Variants in CPO observed in about 807,000 individuals in gnomAD.
CPO encodes the protein metallocarboxypeptidase C.
A neutral mutation model predicts 41.2 loss-of-function variants in CPO; 43 were observed. The ratio of observed to expected loss-of-function variants is 1.04; its 90% confidence interval spans 0.82 to 1.35. The LOEUF is 1.35. Among genes scored for constraint, CPO ranks in the 40% most tolerant of loss-of-function variants. The pLI, the probability that CPO is intolerant of heterozygous loss-of-function variation, is 0.00. For missense variants in CPO, 408 were observed against 451.7 expected, an observed-to-expected ratio of 0.90 and a Z score of 0.88; for synonymous variants, 178 against 162.7, an observed-to-expected ratio of 1.09 and a Z score of -0.72.
chr2:206,949,997 A>T (rs1321580847), intron 2 of CPO, among the ~76,000 whole-genome samples: 1 of 152,208 alleles, frequency 6.6e-6, no homozygotes, highest in African/African-American at 2.4e-5. Flanking sequence ...ATGAACCAGA[A>T]TTAACTCTTA....
intron 1 of CPO, among the ~76,000 whole-genome samples, chr2:206,940,558 C>T (rs1463575757): frequency 6.6e-6 from 1 of 151,718 alleles, no homozygotes; most frequent in African/African-American, 2.4e-5. Context: ...GTCATTTGCC[C>T]ATTTTTGTGG....
intron 3 of CPO, among the ~76,000 whole-genome samples, chr2:206,956,425 C>A (rs551647140): frequency 2.5e-4 from 38 of 152,184 alleles, no homozygotes; most frequent in Admixed American, 2.2e-3. Context: ...TCAGCAGCAG[C>A]AGCAGCAGCA....
intron 1 of CPO, among the ~76,000 whole-genome samples, chr2:206,942,133 T>C (rs1693041641): frequency 2.0e-5 from 3 of 152,162 alleles, no homozygotes; most frequent in Admixed American, 6.6e-5. Flanking sequence ...ATATACTTAC[T>C]GTCAAATAGT....
Position 206,949,627 on chromosome 2 carries a change from C to G in CPO, c.79C>G (p.Gln27Glu). 6.2e-7 allele frequency: 1 copy of G among 1,612,866 alleles called. No homozygotes were observed. The highest frequency in any genetic ancestry group is 1.1e-5 in the South Asian group (1 of 91,014). The change falls in exon 2 of 9, where the codon CAA (glutamine) becomes GAA (glutamate). Residue 27 changes from glutamine (Q) to glutamate (E), a missense_variant. Coordinates refer to ENST00000272852, the MANE Select transcript of CPO (RefSeq NM_173077.3). ...GGLGYDRSLA[Q>E]HRQEIVDKSV... ...TTCTTCCCTTTGCAGATCCTTAGCC[C>G]AACACAGACAAGAGATTGTGGACAA...
chr2:206,969,279 A>C lies in CPO; in HGVS notation c.968A>C (p.Glu323Ala), dbSNP rs1693640945. 2.5e-6 allele frequency: 4 copies of C among 1,614,024 alleles called. No homozygotes were observed. The highest frequency in any genetic ancestry group is 3.4e-6 in the Non-Finnish European group (4 of 1,180,032). The change falls in exon 9 of 9, where the codon GAA becomes GCA. Residue 323 changes from glutamate to alanine, a missense_variant. Transcript: ENST00000272852. Reference protein sequence around the residue: ...DSGTYGFVLPEAQIQPTCEET... With the variant: ...DSGTYGFVLPAAQIQPTCEET... ...GGAACATATGGGTTTGTTCTGCCAG[A>C]AGCTCAGATCCAGCCCACCTGTGAG...
chr2:206,947,203 G>C (rs1693161570), intron 1 of CPO, among the ~76,000 whole-genome samples: 2 of 152,114 alleles, frequency 1.3e-5, no homozygotes, highest in African/African-American at 4.8e-5. Context: ...CAAGACAGGT[G>C]TTATTGGTAA....
chr2:206,957,300 C>T lies in CPO; in HGVS notation c.268-1001C>T, dbSNP rs538088772. ...CTGAGGCAGAAGAATTGCTTGAACC[C>T]GAGAGGTGGAGGTTGCAGTGAGCCG... On this transcript the variant is annotated intron_variant, in intron 3 of 8. Coordinates refer to ENST00000272852, the MANE Select transcript of CPO (RefSeq NM_173077.3). Among the ~76,000 whole-genome samples the T allele has an allele frequency of 8.1e-4, 123 of 151,388 alleles. No individual in the cohort carries two copies. In the Middle Eastern group the frequency reaches 0.014, roughly 17 times the overall value.
chr2:206,965,832 GA>G (rs1209929954), intron 7 of CPO, among the ~76,000 whole-genome samples: 1 of 152,032 alleles, frequency 6.6e-6, no homozygotes, highest in Non-Finnish European at 1.5e-5. Context: ...TATAAGCTGA[GA>G]AAAAAAGGCG....
intron 2 of CPO, among the ~76,000 whole-genome samples, chr2:206,953,328 G>T (rs1250744552): frequency 1.3e-5 from 2 of 152,182 alleles, no homozygotes; most frequent in African/African-American, 4.8e-5. Context: ...ATACAATGGG[G>T]GTACAGGCAT....
chr2:206,962,789 G>T (rs1473247466), intron 7 of CPO, among the ~76,000 whole-genome samples, 175 bp downstream of exon 7: 1 of 152,146 alleles, frequency 6.6e-6, no homozygotes, highest in African/African-American at 2.4e-5. Flanking sequence ...AAGGCTTCGG[G>T]TTAAATGCTG....
intron 2 of CPO, among the ~76,000 whole-genome samples, chr2:206,952,956 C>A (rs1393586132): frequency 1.3e-5 from 2 of 152,124 alleles, no homozygotes; most frequent in Non-Finnish European, 2.9e-5. Context: ...CTTTATAAAA[C>A]CATCAGGTCT....
rs374121256 is a variant in CPO at position 206,963,332 on chromosome 2, AT to A, written c.777+726del. On this transcript the variant is annotated intron_variant, in intron 7 of 8. Coordinates refer to ENST00000272852, the MANE Select transcript of CPO (RefSeq NM_173077.3). ...TAATATTTGTTTTCCTTTTATTTTT[AT>A]TTTTTTTCCGTTTTAATTGTGGTAA... is the stretch of plus-strand genomic sequence containing the variant. Among the ~76,000 whole-genome samples the A allele has an allele frequency of 3.0e-3, 461 of 151,988 alleles. 3 individuals carry two copies. Among genetic ancestry groups the A allele is most frequent in the African/African-American group, 0.01 (416 of 41,452 alleles).
chr2:206,969,467 G>A lies in CPO; in HGVS notation c.*31G>A. On this transcript the variant is annotated 3_prime_UTR_variant, in exon 9 of 9. Coordinates refer to ENST00000272852, the MANE Select transcript of CPO (RefSeq NM_173077.3). The stretch of plus-strand genomic sequence containing the variant: ...TTCTGCCCAGGCCTGCTCAACCCCA[G>A]TGGCATGAGTGTGGCTGGAGGAACG... 6.2e-7 allele frequency: 1 copy of A among 1,606,800 alleles called. No homozygotes were observed. The highest frequency in any genetic ancestry group is 1.1e-5 in the South Asian group (1 of 90,924).
Position 206,962,492 on chromosome 2 carries a change from G to A in CPO, c.655G>A (p.Ala219Thr), listed in dbSNP as rs142933512. The stretch of plus-strand genomic sequence containing the variant: ...GTCTGAACCAGAGACTAAAGCTGTT[G>A]CCAGCTTCATAGAGAGCAAGAAGGA... Reference protein sequence around the residue: ...PVSEPETKAVASFIESKKDDI... With the variant: ...PVSEPETKAVTSFIESKKDDI... Residue 219 changes from alanine to threonine, a missense_variant, in exon 7 of 9, where the codon GCC becomes ACC. Ala to Thr is a moderately conservative substitution (Grantham distance 58, BLOSUM62 0). Transcript: ENST00000272852. The A allele has an allele frequency of 3.1e-6, 5 of 1,613,928 alleles. No homozygotes were observed. The African/African-American group carries it at 5.3e-5, about 17-fold the overall frequency.
intron 3 of CPO, among the ~76,000 whole-genome samples, chr2:206,956,138 G>A (rs987205178): frequency 2.0e-5 from 3 of 151,974 alleles, no homozygotes; most frequent in East Asian, 1.9e-4. Context: ...ATTTGGGACC[G>A]AAAAACCATT....
chr2:206,963,864 A>G (rs1693523593), intron 7 of CPO, among the ~76,000 whole-genome samples: 1 of 152,194 alleles, frequency 6.6e-6, no homozygotes. Flanking sequence ...TCCAAAATGT[A>G]ATTGCTGGAT....
chr2:206,967,354 T>TAG (rs1336589687), intron 7 of CPO, among the ~76,000 whole-genome samples: 1 of 111,104 alleles, frequency 9.0e-6, no homozygotes, highest in Non-Finnish European at 2.0e-5. Flanking sequence ...TATATATAGA[T>TAG]ATATAGATAT....
At chr2:206,949,829 G>C in intron 2 of CPO, 116 bp downstream of exon 2, 1 of 593,888 alleles carries the variant, frequency 1.7e-6, no homozygotes, top group South Asian at 2.5e-5. Context: ...GTGGTGTTAA[G>C]ATCTGCCAAT....
intron 7 of CPO, among the ~76,000 whole-genome samples, chr2:206,964,855 A>C (rs908349603): frequency 1.1e-4 from 17 of 152,242 alleles, no homozygotes; most frequent in Non-Finnish European, 2.2e-4. Flanking sequence ...TTCCGCCAGC[A>C]GAAAAAGGAG....
Sources: gnomAD v4.1 joint callset for allele counts (sites outside exome capture counted in the v4.1 genomes callset) on GRCh38, gnomAD v4.1.1 for gene constraint, MANE v1.5 for transcripts, NCBI Gene and HGNC (gene_info 2026-07-23, HGNC 2026-07-21) for gene names.